GRIN2A: variants seen among roughly 807,000 people sequenced by gnomAD.
GRIN2A encodes the protein glutamate receptor ionotropic, NMDA 2A.
Under a neutral mutation model 113.4 loss-of-function variants are expected in GRIN2A, and 22 were observed. That is an observed-to-expected ratio of 0.19 (90% CI 0.14 to 0.28). GRIN2A has a LOEUF of 0.28. GRIN2A is among the 10% of genes least tolerant of loss of function. The pLI is 1.00. For synonymous variants in GRIN2A, 827 were observed against 738.4 expected (o/e 1.12, Z -1.94); for missense variants, 1,502 against 1,887.0 (o/e 0.80, Z 3.78).
At chr16:10,024,421 T>C (rs938447529) in intron 2 of GRIN2A, among the ~76,000 whole-genome samples, 13 of 152,222 alleles carry the variant, frequency 8.5e-5, no homozygotes, top group African/African-American at 3.1e-4. Flanking sequence ...GGTTTCACCA[T>C]GTTAGCCAAG....
intron 2 of GRIN2A, among the ~76,000 whole-genome samples, chr16:10,173,994 A>G (rs1310226108): frequency 6.6e-6 from 1 of 152,244 alleles, no homozygotes; most frequent in African/African-American, 2.4e-5. Flanking sequence ...AGAAAAGAGA[A>G]TCACAGATCA....
At chr16:9,783,502 G>A (rs1315139744) in intron 11 of GRIN2A, among the ~76,000 whole-genome samples, 1 of 152,208 alleles carries the variant, frequency 6.6e-6, no homozygotes, top group Non-Finnish European at 1.5e-5. Context: ...TAACATTAAA[G>A]CTTATCTGAC....
chr16:9,800,988 G>T (rs1903327386), intron 10 of GRIN2A, among the ~76,000 whole-genome samples: 1 of 152,230 alleles, frequency 6.6e-6, no homozygotes, highest in African/African-American at 2.4e-5. Flanking sequence ...CTGAGTTCTA[G>T]TCTAGGCTAG....
At chr16:10,009,457 G>C (rs938923356) in intron 2 of GRIN2A, among the ~76,000 whole-genome samples, 1 of 152,110 alleles carries the variant, frequency 6.6e-6, no homozygotes, top group Non-Finnish European at 1.5e-5. Flanking sequence ...TACTGTAATA[G>C]AGTATGCGCC....
Position 10,161,610 on chromosome 16 carries a change from A to G in GRIN2A, c.414+18388T>C, listed in dbSNP as rs1433033545. 3.3e-5 allele frequency among the ~76,000 whole-genome samples: 5 copies of G among 152,192 alleles called. No individual in the cohort carries two copies. The East Asian group carries it at 9.6e-4, about 29-fold the overall frequency. On this transcript the variant is annotated intron_variant, in intron 2 of 12. Transcript: ENST00000330684. ...TGTGTTTATCAGACGCTGTCCCTGT[A>G]TTGGCTTCCTATTGCTGTTCTAACA... is the stretch of plus-strand genomic sequence containing the variant.
intron 11 of GRIN2A, among the ~76,000 whole-genome samples, chr16:9,781,228 C>T (rs1300213443): frequency 6.6e-6 from 1 of 152,114 alleles, no homozygotes; most frequent in African/African-American, 2.4e-5. Flanking sequence ...CATGAAATAA[C>T]TTTTTATATT....
intron 11 of GRIN2A, among the ~76,000 whole-genome samples, chr16:9,784,441 CA>C (rs71400493): frequency 6.0e-4 from 76 of 126,602 alleles, no homozygotes; most frequent in Admixed American, 1.8e-3. Flanking sequence ...CAACAACAAC[CA>C]AAAAAAAAAA....
At chr16:10,071,278 A>T (rs1289952114) in intron 2 of GRIN2A, among the ~76,000 whole-genome samples, 1 of 152,224 alleles carries the variant, frequency 6.6e-6, no homozygotes, top group African/African-American at 2.4e-5. Context: ...CAGAAATGCA[A>T]TGTAGGAAGC....
chr16:10,072,536 G>C (rs966307850), intron 2 of GRIN2A, among the ~76,000 whole-genome samples: 1 of 152,188 alleles, frequency 6.6e-6, no homozygotes, highest in Non-Finnish European at 1.5e-5. Flanking sequence ...GAGGGAAGTT[G>C]TAAAGTTCTC....
At chr16:10,009,854 G>A (rs993440255) in intron 2 of GRIN2A, among the ~76,000 whole-genome samples, 7 of 152,158 alleles carry the variant, frequency 4.6e-5, no homozygotes, top group African/African-American at 1.2e-4. Flanking sequence ...TCACATGACC[G>A]GAGACAAACC....
chr16:9,916,177 T>C (rs1315607502), intron 3 of GRIN2A, among the ~76,000 whole-genome samples: 1 of 152,224 alleles, frequency 6.6e-6, no homozygotes, highest in Non-Finnish European at 1.5e-5. Context: ...GTTATGAGGA[T>C]TCAAGATTTT....
At chr16:10,084,818 A>G (rs779342725) in intron 2 of GRIN2A, among the ~76,000 whole-genome samples, 2 of 151,954 alleles carry the variant, frequency 1.3e-5, no homozygotes, top group Middle Eastern at 3.4e-3. Context: ...GTAAAAGGAT[A>G]TGGAGTGAGC....
At chr16:10,111,764 G>C in intron 2 of GRIN2A, 1 of 1,500,366 alleles carries the variant, frequency 6.7e-7, no homozygotes, top group South Asian at 1.1e-5. Flanking sequence ...CACACTGTGG[G>C]TGATGTGCTG....
chr16:10,171,587 G>A (rs570163502), intron 2 of GRIN2A: 2 of 152,190 alleles, frequency 1.3e-5, no homozygotes, highest in Non-Finnish European at 2.9e-5. Flanking sequence ...ATCATTTCAT[G>A]TTAGACCCTC....
chr16:9,808,917 A>C lies in GRIN2A; in HGVS notation c.2169-10453T>G, dbSNP rs994885901. Among the ~76,000 whole-genome samples the C allele has an allele frequency of 2.0e-5, 3 of 150,714 alleles. No homozygotes were observed. In the East Asian group the frequency reaches 5.9e-4, roughly 30 times the overall value. On this transcript the variant is annotated intron_variant, in intron 10 of 12. Transcript: ENST00000330684. ...CTGATAGCCCTCATCCCACCCCCCC[A>C]AAAAAAGTCTAGTGAGAAGAAAATG...
At chr16:10,070,395 C>T (rs1385226725) in intron 2 of GRIN2A, among the ~76,000 whole-genome samples, 1 of 152,216 alleles carries the variant, frequency 6.6e-6, no homozygotes, top group Non-Finnish European at 1.5e-5. Flanking sequence ...GAACTGGAAT[C>T]TGCATTTTAA....
At chr16:10,141,346 G>A (rs755123715) in intron 2 of GRIN2A, among the ~76,000 whole-genome samples, 1 of 152,064 alleles carries the variant, frequency 6.6e-6, no homozygotes, top group Non-Finnish European at 1.5e-5. Flanking sequence ...AAAATAGCCA[G>A]GCATGGTGGT....
intron 2 of GRIN2A, among the ~76,000 whole-genome samples, chr16:10,123,614 G>A (rs1353746278): frequency 6.6e-6 from 1 of 152,132 alleles, no homozygotes; most frequent in Non-Finnish European, 1.5e-5. Context: ...ATCGCCGAGG[G>A]ATCTTGTTAA....
At chr16:9,863,224 G>A (rs1170993776) in intron 4 of GRIN2A, among the ~76,000 whole-genome samples, 1 of 152,188 alleles carries the variant, frequency 6.6e-6, no homozygotes, top group Non-Finnish European at 1.5e-5. Flanking sequence ...TCATGGATCA[G>A]TTGGGAAGAC....
Sources: allele counts gnomAD v4.1 joint callset (sites outside exome capture counted in the v4.1 genomes callset), GRCh38; gene constraint gnomAD v4.1.1; transcripts MANE v1.5; gene names NCBI Gene and HGNC (gene_info 2026-07-23, HGNC 2026-07-21).